POU2F1: variants seen among roughly 807,000 people sequenced by gnomAD.
The protein encoded by POU2F1 is POU class 2 homeobox 1, also known as POU domain, class 2, transcription factor 1.
POU2F1 carries 16 observed loss-of-function variants against 84.9 expected under a neutral mutation model. The observed-to-expected ratio is 0.19, with a 90% CI of 0.13 to 0.29. The LOEUF (loss-of-function observed/expected upper bound fraction) is 0.29. Among genes scored for constraint, POU2F1 ranks in the 10% least tolerant of loss-of-function variants. POU2F1 has a pLI of 1.00. For synonymous variants in POU2F1, 368 were observed against 368.3 expected, an observed-to-expected ratio of 1.00 and a Z score of 0.01; for missense variants, 738 against 942.6, an observed-to-expected ratio of 0.78 and a Z score of 2.84.
In POU2F1 at chr1:167,414,750, A is replaced by G. The variant is rs148821875; in HGVS notation, c.1991-750A>G. ...ATAGATTCATCATTCTCCTTTGCAC[A>G]AGTCATAGAAATCAAGTATTTAGCC... is the stretch of plus-strand genomic sequence containing the variant. On this transcript the variant is annotated intron_variant, in intron 15 of 15. Coordinates refer to ENST00000367866, the MANE Select transcript of POU2F1 (RefSeq NM_002697.4). 3,620 of 973,500 alleles carry G rather than the reference A, an allele frequency of 3.7e-3. 8 individuals carry two copies. The highest frequency in any genetic ancestry group is 4.1e-3 in the Non-Finnish European group (3,362 of 819,188). The allele number at this position is 973,500 out of a possible 1,614,324, so 60.3% of individuals were successfully genotyped here.
chr1:167,325,784 G>A (rs536390779), intron 1 of POU2F1, among the ~76,000 whole-genome samples: 18 of 151,904 alleles, frequency 1.2e-4, no homozygotes, highest in Admixed American at 1.2e-3. Flanking sequence ...AGCTACTTGG[G>A]AGGCTGAGGC....
chr1:167,262,560 G>T (rs139176328), intron 1 of POU2F1, among the ~76,000 whole-genome samples: 24 of 152,288 alleles, frequency 1.6e-4, no homozygotes, highest in African/African-American at 5.8e-4. Context: ...GTGTACATAC[G>T]TACCCTCTTA....
intron 1 of POU2F1, among the ~76,000 whole-genome samples, chr1:167,252,806 G>A (rs1650831413): frequency 1.3e-5 from 2 of 152,140 alleles, no homozygotes; most frequent in African/African-American, 4.8e-5. Flanking sequence ...GTTTATAACA[G>A]GTTAACATGG....
At chr1:167,384,096 T>G (rs1040833348) in intron 8 of POU2F1, 145 bp downstream of exon 8, 2 of 626,052 alleles carry the variant, frequency 3.2e-6, no homozygotes, top group Non-Finnish European at 5.4e-6. Context: ...GCTTATCAGC[T>G]CAATGCTACC....
intron 1 of POU2F1, among the ~76,000 whole-genome samples, chr1:167,315,524 C>G (rs1655820406): frequency 6.6e-6 from 1 of 152,098 alleles, no homozygotes; most frequent in Non-Finnish European, 1.5e-5. Context: ...GCCTGTAATC[C>G]CGGCTACTTG....
chr1:167,336,960 G>T (rs1657502047), intron 2 of POU2F1, among the ~76,000 whole-genome samples: 1 of 152,148 alleles, frequency 6.6e-6, no homozygotes, highest in Non-Finnish European at 1.5e-5. Flanking sequence ...GAGGTCAGGA[G>T]TTTGAGACCA....
Position 167,416,279 on chromosome 1 carries a change from GT to G in POU2F1, c.*470del. 1 of 301,366 alleles carries G rather than the reference GT, an allele frequency of 3.3e-6. No individual in the cohort carries two copies. The allele number at this position is 301,366 out of a possible 1,614,324, so 18.7% of individuals were successfully genotyped here. ...AAAAAATCATTTTTATGGGTCTGTT[GT>G]ACAGGCCATTAAGTCATAACAAGGT... On this transcript the variant is annotated 3_prime_UTR_variant, in exon 16 of 16. Coordinates refer to ENST00000367866, the MANE Select transcript of POU2F1 (RefSeq NM_002697.4).
intron 1 of POU2F1, among the ~76,000 whole-genome samples, chr1:167,239,457 G>A (rs912077983): frequency 1.3e-5 from 2 of 152,154 alleles, no homozygotes; most frequent in Admixed American, 1.3e-4. Context: ...ATGGGCAGCA[G>A]TTCAAGGGGT....
At chr1:167,265,562 A>G (rs878861828) in intron 1 of POU2F1, among the ~76,000 whole-genome samples, 1 of 152,212 alleles carries the variant, frequency 6.6e-6, no homozygotes, top group Admixed American at 6.5e-5. Flanking sequence ...GGTATTTAAA[A>G]TATTTGTATA....
At chr1:167,361,474 G>A (rs1162467752) in intron 2 of POU2F1, among the ~76,000 whole-genome samples, 4 of 152,086 alleles carry the variant, frequency 2.6e-5, no homozygotes, top group Middle Eastern at 3.4e-3. Flanking sequence ...AGTTAATCAC[G>A]TACTGATTTG....
At position 167,374,181 on chromosome 1, in the gene POU2F1, C is replaced by G. The variant is rs781401878; in HGVS notation, c.476C>G (p.Ala159Gly). 1 of 1,613,902 alleles carries G rather than the reference C, an allele frequency of 6.2e-7. No individual in the cohort carries two copies. Residue 159 changes from alanine (A) to glycine (G), a missense_variant, in exon 6 of 16, where the codon GCA becomes GGA. Around this residue, in one of 4 missense-constraint regions of POU2F1, gnomAD observed 163 missense variants for 214.4 expected, o/e 0.76. Transcript: ENST00000367866. ...GCACAGGCACAGCTGCTGGCTGCTG[C>G]AGTGCAGCAGCACTCCGCCAGCCAG... is the stretch of plus-strand genomic sequence containing the variant. ...AQAQAQLLAA[A>G]VQQHSASQQH...
intron 1 of POU2F1, among the ~76,000 whole-genome samples, chr1:167,307,476 A>T (rs891556274): frequency 1.7e-3 from 256 of 152,218 alleles, no homozygotes; most frequent in African/African-American, 5.9e-3. Flanking sequence ...AACCAAAAAA[A>T]AAAAAAAAAC....
Position 167,249,734 on chromosome 1 carries a change from TAA to T in POU2F1, c.61+28778_61+28779del, listed in dbSNP as rs1650586005. On this transcript the variant is annotated intron_variant, in intron 1 of 15. Coordinates refer to ENST00000367866, the MANE Select transcript of POU2F1 (RefSeq NM_002697.4). ...GTATTGAGGTAGTATTGGGAGAGTT[TAA>T]AGTTTTAGAGGAGGAACTGTCCTGA... is the stretch of plus-strand genomic sequence containing the variant. Among the ~76,000 whole-genome samples the T allele has an allele frequency of 3.3e-5, 5 of 152,274 alleles. No individual in the cohort carries two copies. In the South Asian group the frequency reaches 1.0e-3, roughly 32 times the overall value.
intron 1 of POU2F1, among the ~76,000 whole-genome samples, chr1:167,321,853 A>G (rs1479472319): frequency 1.3e-5 from 2 of 152,150 alleles, no homozygotes; most frequent in Non-Finnish European, 2.9e-5. Flanking sequence ...TTTGAGGGCT[A>G]TATAATTGTT....
At chr1:167,400,284 CT>C (rs1649118809) in intron 12 of POU2F1, among the ~76,000 whole-genome samples, 1 of 152,140 alleles carries the variant, frequency 6.6e-6, no homozygotes, top group East Asian at 1.9e-4. Context: ...GTGTGAGCCA[CT>C]GCGCCCAGCC....
chr1:167,277,835 C>G (rs993109345), intron 1 of POU2F1, among the ~76,000 whole-genome samples: 2 of 152,168 alleles, frequency 1.3e-5, no homozygotes, highest in Non-Finnish European at 2.9e-5. Flanking sequence ...TACCCCCTCT[C>G]CCTCACTTCC....
intron 7 of POU2F1, among the ~76,000 whole-genome samples, chr1:167,376,389 A>G (rs1660334411): frequency 6.6e-6 from 1 of 152,254 alleles, no homozygotes; most frequent in African/African-American, 2.4e-5. Flanking sequence ...CTAAGGAAGA[A>G]CCAAGAGTTT....
intron 1 of POU2F1, among the ~76,000 whole-genome samples, chr1:167,289,302 T>A (rs775557249): frequency 6.6e-6 from 1 of 152,212 alleles, no homozygotes; most frequent in Non-Finnish European, 1.5e-5. Flanking sequence ...ATTCTACCAC[T>A]AAGGTTGCTG....
At chr1:167,257,532 A>G (rs982752002) in intron 1 of POU2F1, among the ~76,000 whole-genome samples, 3 of 152,236 alleles carry the variant, frequency 2.0e-5, no homozygotes, top group Admixed American at 1.3e-4. Flanking sequence ...CTTCAAATCT[A>G]AAGAAATTTG....
Sources: gnomAD v4.1 joint callset for allele counts (sites outside exome capture counted in the v4.1 genomes callset) on GRCh38, gnomAD v4.1.1 for gene constraint, gnomAD v4.1.1 regional missense constraint, MANE v1.5 for transcripts, NCBI Gene and HGNC (gene_info 2026-07-23, HGNC 2026-07-21) for gene names.